IKBKG: variants seen among roughly 807,000 people sequenced by gnomAD.
IKBKG encodes inhibitor of nuclear factor kappa B kinase regulatory subunit gamma, also known as NF-kappa-B essential modulator.
A neutral mutation model predicts 13.7 loss-of-function variants in IKBKG; 2 were observed. That is an observed-to-expected ratio of 0.15 (90% CI 0.06 to 0.46). The LOEUF is 0.46. Among genes scored for constraint, IKBKG ranks in the 20% least tolerant of loss-of-function variants. The pLI is 0.98. For synonymous variants in IKBKG, 22 were observed against 64.4 expected (o/e 0.34, Z 3.15); for missense variants, 53 against 150.3 (o/e 0.35, Z 3.39).
At chrX:154,553,627 C>T (rs1348604624) in intron 2 of IKBKG, among the ~76,000 whole-genome samples, 1 of 112,681 alleles carries the variant, frequency 8.9e-6, no homozygotes, top group Non-Finnish European at 1.9e-5. Context: ...CACCTCAGTG[C>T]CATCGGCACC....
chrX:154,552,252 C>T, intron 2 of IKBKG, 63 bp downstream of exon 2: 1 of 994,097 alleles, frequency 1.0e-6, no homozygotes, highest in South Asian at 2.4e-5. Flanking sequence ...CCACCTGCAC[C>T]TCTGCGTTTC....
intron 2 of IKBKG, among the ~76,000 whole-genome samples, 153 bp downstream of exon 2, chrX:154,552,342 A>T (rs143379366): frequency 9.0e-6 from 1 of 111,615 alleles, no homozygotes; most frequent in East Asian, 2.8e-4. Flanking sequence ...GCGGGGAGGA[A>T]GTTTAGCATG....
upstream of IKBKG, chrX:154,546,854 G>A (rs1557233578): frequency 2.7e-6 from 3 of 1,124,108 alleles, no homozygotes; most frequent in South Asian, 4.0e-5. Flanking sequence ...TCCGGGGGCT[G>A]AGCCCCGCCG....
rs73641104 is a variant in IKBKG at position 154,547,962 on chromosome X, G to T, written c.-16+217G>T. 2,829 of 753,434 alleles carry T rather than the reference G, an allele frequency of 3.8e-3. 63 individuals are homozygous for T. In the African/African-American group the frequency reaches 0.062, roughly 16 times the overall value. The allele number at this position is 753,434 out of a possible 1,213,427, so 62.1% of individuals were successfully genotyped here. A position where few individuals can be genotyped will look rare whatever the true frequency, so the allele number is the denominator to read the frequency against. ...ACTCCTCCCTCCTCCTCCACTGCGG[G>T]GTCTGACCCTACTCCTTGTGTGAGG... is the stretch of plus-strand genomic sequence containing the variant. On this transcript the variant is annotated intron_variant, in intron 1 of 9. Transcript: ENST00000594239.
chrX:154,550,214 T>C (rs2070888870), intron 1 of IKBKG, among the ~76,000 whole-genome samples: 1 of 106,916 alleles, frequency 9.4e-6, no homozygotes. Flanking sequence ...ACAGGATTTC[T>C]TGATGGATTA....
chrX:154,554,846 ATAGT>A (rs1180655111), intron 2 of IKBKG, among the ~76,000 whole-genome samples: 1 of 111,836 alleles, frequency 8.9e-6, no homozygotes, highest in Non-Finnish European at 1.9e-5. Context: ...TCAGCAGGCA[ATAGT>A]TAGTTGGTTG....
intron 2 of IKBKG, among the ~76,000 whole-genome samples, chrX:154,555,672 C>T (rs914886368): frequency 1.9e-3 from 213 of 111,091 alleles, no homozygotes; most frequent in East Asian, 1.7e-3. Context: ...CTCCACCTCC[C>T]AGGTTCAAGT....
At chrX:154,555,738 C>T (rs1248759947) in intron 2 of IKBKG, among the ~76,000 whole-genome samples, 1 of 111,256 alleles carries the variant, frequency 9.0e-6, no homozygotes, top group Non-Finnish European at 1.9e-5. Flanking sequence ...TGCCACCACA[C>T]CGGGCTAATT....
upstream of IKBKG, chrX:154,546,861 G>T: frequency 9.0e-7 from 1 of 1,111,192 alleles, no homozygotes; most frequent in Non-Finnish European, 1.2e-6. Flanking sequence ...GCTGAGCCCC[G>T]CCGGCCCATT....
chrX:154,541,700 C>G (rs1258033423), intron 1 of IKBKG, among the ~76,000 whole-genome samples: 1 of 112,408 alleles, frequency 8.9e-6, no homozygotes, highest in Non-Finnish European at 1.9e-5. Context: ...AGGACCACAG[C>G]AGGGGAGGGA....
chrX:154,549,845 C>T (rs917494784), intron 1 of IKBKG, among the ~76,000 whole-genome samples: 13 of 111,924 alleles, frequency 1.2e-4, no homozygotes, highest in African/African-American at 2.6e-4. Context: ...AATGTTTAAT[C>T]TTTTGTGACT....
intron 1 of IKBKG, 79 bp downstream of exon 1, chrX:154,547,824 C>T (rs1557234051): frequency 1.3e-6 from 1 of 753,958 alleles, no homozygotes; most frequent in Non-Finnish European, 1.6e-6. Flanking sequence ...GACGTTCAGG[C>T]TCCCCCCTCT....
chrX:154,555,577 C>T (rs1189792063), intron 2 of IKBKG, among the ~76,000 whole-genome samples: 5 of 112,368 alleles, frequency 4.4e-5, no homozygotes, highest in African/African-American at 1.6e-4. Context: ...GCATTTAACA[C>T]ATACTTTTTT....
chrX:154,541,902 G>A (rs1401482426), intron 1 of IKBKG, among the ~76,000 whole-genome samples: 2 of 112,179 alleles, frequency 1.8e-5, no homozygotes, highest in African/African-American at 6.5e-5. Context: ...AGGGCCAGCG[G>A]GGGTGGGCCA....
At chrX:154,554,530 G>T (rs893607314) in intron 2 of IKBKG, among the ~76,000 whole-genome samples, 7 of 112,059 alleles carry the variant, frequency 6.2e-5, no homozygotes, top group African/African-American at 2.3e-4. Context: ...AGGCCCAGGC[G>T]GGGGGATCAC....
At chrX:154,547,512 T>C, upstream of IKBKG, 1 of 754,550 alleles carries the variant, frequency 1.3e-6, no homozygotes, top group South Asian at 6.7e-5. Flanking sequence ...CAGACTTCTC[T>C]CCGGAGCGGG....
In IKBKG at chrX:154,542,259, A is replaced by G. The variant is rs782279781; in HGVS notation, c.-186-23A>G. ...TGGGATGCGTCCTGAACGCCCATCA[A>G]GCCCATGGCCCTTGTGATCCAGGTG... On this transcript the variant is annotated intron_variant, in intron 1 of 10. Transcript: ENST00000422680. 2.1e-5 allele frequency: 23 copies of G among 1,112,665 alleles called. No homozygotes were observed. In the South Asian group the frequency reaches 3.6e-4, roughly 17 times the overall value. 91.7% of individuals were successfully genotyped at this position (1,112,665 alleles called of 1,213,427 possible). A position where few individuals can be genotyped will look rare whatever the true frequency, so the allele number is the denominator to read the frequency against.
At chrX:154,551,197 C>T (rs945758622) in intron 1 of IKBKG, among the ~76,000 whole-genome samples, 6 of 107,430 alleles carry the variant, frequency 5.6e-5, no homozygotes, top group Admixed American at 2.0e-4. Context: ...ATTGGCCCGC[C>T]TCGGCCTCCC....
chrX:154,547,577 C>T (rs996879604), upstream of IKBKG: 30 of 754,106 alleles, frequency 4.0e-5, no homozygotes, highest in African/African-American at 4.1e-4. Context: ...TTCTCGGGGG[C>T]GGGGCTTGTG....
Sources: gnomAD v4.1 joint callset for allele counts (sites outside exome capture counted in the v4.1 genomes callset) on GRCh38, gnomAD v4.1.1 for gene constraint, MANE v1.5 for transcripts, NCBI Gene and HGNC (gene_info 2026-07-23, HGNC 2026-07-21) for gene names.